The following CCND3 variants were observed in gnomAD, a reference collection of about 807,000 sequenced individuals.
The protein encoded by CCND3 is G1/S-specific cyclin-D3.
Under a neutral mutation model 28.7 loss-of-function variants are expected in CCND3, and 9 were observed. That is an observed-to-expected ratio of 0.31 (90% CI 0.19 to 0.55). The LOEUF (loss-of-function observed/expected upper bound fraction) is 0.55, where lower values mean the gene tolerates loss of function less well. Ranked by LOEUF, CCND3 falls within the 20% of genes least tolerant of loss-of-function variation. CCND3 has a pLI of 0.93. For missense variants in CCND3, 315 were observed against 385.8 expected (o/e 0.82, Z 1.54); for synonymous variants, 164 against 163.9 (o/e 1.00, Z 0.00).
At chr6:41,974,792 C>CTTTTTTTTTT (rs762947208) in intron 1 of CCND3, among the ~76,000 whole-genome samples, 1 of 125,856 alleles carries the variant, frequency 7.9e-6, no homozygotes. Context: ...CCCCACAGTT[C>CTTTTTTTTTT]TTTTTTTTTT....
chr6:42,041,584 A>C (rs1384794373), intron 1 of CCND3, among the ~76,000 whole-genome samples: 2 of 152,190 alleles, frequency 1.3e-5, no homozygotes, highest in African/African-American at 4.8e-5. Flanking sequence ...GCTGGGAGGA[A>C]AGGAAAAGGC....
Position 41,940,526 on chromosome 6 carries a change from A to G in CCND3, c.258T>C (p.Asp86=). 6.2e-7 allele frequency: 1 copy of G among 1,613,810 alleles called. No homozygotes were observed. Among genetic ancestry groups the G allele is most frequent in the East Asian group, 2.2e-5 (1 of 44,842 alleles). ...GGGTGGGGACGCAAGACAGGTAGCGATCCAGGTAGTTCATGGCCAGGGGGA... is the reference window on the plus strand; with the variant it reads ...GGGTGGGGACGCAAGACAGGTAGCGGTCCAGGTAGTTCATGGCCAGGGGGA... ...EVFPLAMNYL[D]RYLSCVPTRK... Residue 86 remains aspartate, a synonymous_variant, in exon 2 of 5, where the codon GAT becomes GAC. Transcript: ENST00000372991.
chr6:42,041,034 G>A (rs1436725458), intron 1 of CCND3, among the ~76,000 whole-genome samples: 2 of 152,174 alleles, frequency 1.3e-5, no homozygotes, highest in African/African-American at 2.4e-5. Context: ...GTTGTGTAAA[G>A]ATGCACTATT....
At chr6:41,964,681 A>G (rs1761836139) in intron 1 of CCND3, among the ~76,000 whole-genome samples, 1 of 152,188 alleles carries the variant, frequency 6.6e-6, no homozygotes, top group Non-Finnish European at 1.5e-5. Flanking sequence ...GGTTGGGTGC[A>G]TGACAGCAGG....
At chr6:41,948,803 G>T (rs990376681) in intron 1 of CCND3, among the ~76,000 whole-genome samples, 12 of 149,494 alleles carry the variant, frequency 8.0e-5, no homozygotes, top group African/African-American at 3.0e-4. Flanking sequence ...CTGAGATCGT[G>T]CCACTGCACT....
Position 41,935,847 on chromosome 6 carries a change from A to G in CCND3, c.*93T>C. On this transcript the variant is annotated 3_prime_UTR_variant, in exon 5 of 5. Coordinates refer to ENST00000372991, the MANE Select transcript of CCND3 (RefSeq NM_001760.5). ...GTGAAGGGGGAACAGACGCCCCTTC[A>G]GGCTTAGATGTGGTGTGGTTCCTGG... 8.2e-7 allele frequency: 1 copy of G among 1,223,018 alleles called. No individual in the cohort carries two copies. Among genetic ancestry groups the G allele is most frequent in the Non-Finnish European group, 1.2e-6 (1 of 854,128 alleles). The allele number at this position is 1,223,018 out of a possible 1,614,324, so 75.8% of individuals were successfully genotyped here. A position where few individuals can be genotyped will look rare whatever the true frequency, so the allele number is the denominator to read the frequency against.
intron 1 of CCND3, among the ~76,000 whole-genome samples, chr6:42,023,263 T>G (rs1763766275): frequency 6.6e-6 from 1 of 152,190 alleles, no homozygotes; most frequent in Non-Finnish European, 1.5e-5. Flanking sequence ...GATTTCGCTG[T>G]TTGAAATGGC....
intron 1 of CCND3, among the ~76,000 whole-genome samples, chr6:42,023,822 C>T (rs1023405822): frequency 8.5e-5 from 13 of 152,118 alleles, no homozygotes; most frequent in African/African-American, 2.9e-4. Context: ...GGAATCTGTA[C>T]GTTAAGACTG....
At chr6:41,942,498 G>C (rs1776064262), upstream of CCND3, among the ~76,000 whole-genome samples, 1 of 152,102 alleles carries the variant, frequency 6.6e-6, no homozygotes, top group Admixed American at 6.6e-5. Context: ...TTTAGTCTAA[G>C]TCAGCATATA....
chr6:41,941,097 C>G lies in CCND3; in HGVS notation c.198+355G>C. 2 of 1,543,274 alleles carry G rather than the reference C, an allele frequency of 1.3e-6. No homozygotes were observed. Among genetic ancestry groups the G allele is most frequent in the Non-Finnish European group, 1.7e-6 (2 of 1,146,024 alleles). On this transcript the variant is annotated intron_variant, in intron 1 of 4. Transcript: ENST00000372991. This position sits in a 1 kb window ranked among gnomAD's most constrained non-coding sequence, Gnocchi z 6.1. ...GAACCGGCTCCCGGGCGGGGGCGGC[C>G]GAGCCCAGGGTTTTCCAGGCGCGCT...
intron 1 of CCND3, among the ~76,000 whole-genome samples, chr6:41,950,089 T>C (rs1042809541): frequency 2.0e-5 from 3 of 147,432 alleles, no homozygotes; most frequent in African/African-American, 7.6e-5. Context: ...CAGAGCAAGA[T>C]TAAAAAAAAA....
chr6:42,034,309 G>A (rs1392075244), intron 1 of CCND3, among the ~76,000 whole-genome samples: 3 of 151,082 alleles, frequency 2.0e-5, no homozygotes, highest in Non-Finnish European at 2.9e-5. Flanking sequence ...CACCACACCC[G>A]GCTAATTTTT....
At chr6:41,998,921 C>T (rs58519945) in intron 1 of CCND3, among the ~76,000 whole-genome samples, 1,535 of 152,188 alleles carry the variant, frequency 0.01, 35 homozygotes, top group African/African-American at 0.035. Context: ...TCAGGTGATC[C>T]GCCCGCCTCG....
rs67939325 is a variant in CCND3 at position 41,990,660 on chromosome 6, A to ATTTTTTTTTTT, written c.-45-50086_-45-50076dup. Among the ~76,000 whole-genome samples the ATTTTTTTTTTT allele has an allele frequency of 5.9e-4, 71 of 121,276 alleles. 33 individuals are homozygous for ATTTTTTTTTTT. Among genetic ancestry groups the ATTTTTTTTTTT allele is most frequent in the African/African-American group, 3.5e-4 (11 of 31,638 alleles). 79.6% of individuals were successfully genotyped at this position (121,276 alleles called of 152,430 possible). A position where few individuals can be genotyped will look rare whatever the true frequency, so the allele number is the denominator to read the frequency against. ...TAGTCCATGAATCTATAACCAACTG[A>ATTTTTTTTTTT]TTTTTTTTTTTTTTTTTTTTTTTTT... On this transcript the variant is annotated intron_variant, in intron 1 of 4. Transcript: ENST00000372988.
chr6:42,043,956 A>C (rs1448423037), intron 1 of CCND3, among the ~76,000 whole-genome samples: 1 of 152,204 alleles, frequency 6.6e-6, no homozygotes, highest in Non-Finnish European at 1.5e-5. Flanking sequence ...GGGGCTCCTG[A>C]GGCCCCTTCC....
At chr6:41,937,497 T>C (rs1369024631) in intron 2 of CCND3, 103 bp from the exon 3 acceptor site, 2 of 1,393,034 alleles carry the variant, frequency 1.4e-6, no homozygotes, top group African/African-American at 2.9e-5. Flanking sequence ...ATCAAACTTT[T>C]AAAGCCCAAG....
intron 1 of CCND3, among the ~76,000 whole-genome samples, chr6:42,008,585 T>C (rs762662914): frequency 2.0e-5 from 3 of 152,236 alleles, no homozygotes; most frequent in Non-Finnish European, 4.4e-5. Flanking sequence ...CAAAGTAAGA[T>C]GGGCTTGTTA....
intron 1 of CCND3, among the ~76,000 whole-genome samples, chr6:42,038,030 CAAA>C (rs11286915): frequency 4.5e-4 from 39 of 85,848 alleles, no homozygotes; most frequent in Admixed American, 4.7e-4. Context: ...GACTCGGTCT[CAAA>C]AAAAAAAAAA....
chr6:42,034,921 T>C (rs1764160404), intron 1 of CCND3, among the ~76,000 whole-genome samples: 2 of 152,166 alleles, frequency 1.3e-5, no homozygotes, highest in African/African-American at 2.4e-5. Context: ...CCTAGAAAAA[T>C]ACACTTCCTT....
Sources: gnomAD v4.1 joint callset for allele counts (sites outside exome capture counted in the v4.1 genomes callset) on GRCh38, gnomAD v4.1.1 for gene constraint, Gnocchi (gnomAD v3.1) non-coding constraint, MANE v1.5 for transcripts, NCBI Gene and HGNC (gene_info 2026-07-23, HGNC 2026-07-21) for gene names.